Variants in ITPK1 observed in about 807,000 individuals in gnomAD.
ITPK1 encodes the protein inositol-tetrakisphosphate 1-kinase, also known as inositol 1,3,4-trisphosphate 5/6-kinase.
A neutral mutation model predicts 45.3 loss-of-function variants in ITPK1; 21 were observed. The ratio of observed to expected loss-of-function variants is 0.46; its 90% CI spans 0.33 to 0.67. ITPK1 has a LOEUF of 0.67. ITPK1 is among the 30% of genes least tolerant of loss of function. The probability of loss-of-function intolerance (pLI) is 0.02; values close to 1 mark genes in which losing one functional copy is unlikely to be tolerated. For synonymous variants in ITPK1, 258 were observed against 253.6 expected (o/e 1.02, Z -0.16); for missense variants, 474 against 573.5 (o/e 0.83, Z 1.77).
At position 92,993,980 on chromosome 14, in the gene ITPK1, G is replaced by A; in HGVS notation, c.264C>T (p.His88=). ...GCGGGTCCAGGACGATGGTCTCAGGGTGGGCATCGATGTACTCCTGAAAGG... is the reference window on the plus strand; with the variant it reads ...GCGGGTCCAGGACGATGGTCTCAGGATGGGCATCGATGTACTCCTGAAAGG... The part of the protein sequence containing the change: ...VHRFQEYIDA[H]PETIVLDPLP... Residue 88 remains histidine, a synonymous_variant, in exon 5 of 11, where the codon CAC becomes CAT. Coordinates refer to ENST00000267615, the MANE Select transcript of ITPK1 (RefSeq NM_014216.6). The A allele has an allele frequency of 6.2e-7, 1 of 1,613,406 alleles. No homozygotes were observed. The highest frequency in any genetic ancestry group is 1.1e-5 in the South Asian group (1 of 91,074).
chr14:92,975,577 C>T (rs373540044), intron 5 of ITPK1, among the ~76,000 whole-genome samples: 4 of 152,340 alleles, frequency 2.6e-5, no homozygotes, highest in African/African-American at 9.6e-5. Context: ...TCTCCGTGTA[C>T]CTGAATGAGA....
chr14:92,969,463 T>C (rs1194663712), intron 5 of ITPK1, among the ~76,000 whole-genome samples: 1 of 152,132 alleles, frequency 6.6e-6, no homozygotes, highest in East Asian at 1.9e-4. Flanking sequence ...TTAGGATGTA[T>C]GAACTGGACC....
At chr14:92,989,751 C>T (rs552985136) in intron 5 of ITPK1, among the ~76,000 whole-genome samples, 3 of 152,308 alleles carry the variant, frequency 2.0e-5, no homozygotes, top group African/African-American at 4.8e-5. Flanking sequence ...GAATTGAATC[C>T]AGGCTCAACG....
intron 2 of ITPK1, among the ~76,000 whole-genome samples, chr14:93,088,332 T>G (rs1265442914): frequency 1.6e-5 from 2 of 123,948 alleles, no homozygotes; most frequent in Non-Finnish European, 3.1e-5. Flanking sequence ...TCTTTTTTGG[T>G]TTTGTTTTGT....
chr14:92,960,039 G>C (rs943970472), intron 7 of ITPK1, among the ~76,000 whole-genome samples: 2 of 152,196 alleles, frequency 1.3e-5, no homozygotes, highest in Non-Finnish European at 2.9e-5. Flanking sequence ...AACCTCTGCC[G>C]ATCTGGTGGA....
At chr14:93,102,643 A>C (rs9671852) in intron 2 of ITPK1, among the ~76,000 whole-genome samples, 1 of 151,954 alleles carries the variant, frequency 6.6e-6, no homozygotes, top group African/African-American at 2.4e-5. Flanking sequence ...ATGACAGAGC[A>C]AGACTAACAA....
At chr14:93,010,012 G>T (rs1887813776) in intron 4 of ITPK1, among the ~76,000 whole-genome samples, 5 of 152,200 alleles carry the variant, frequency 3.3e-5, no homozygotes, top group Admixed American at 3.3e-4. Context: ...CAGGGACTGA[G>T]ATGGGGACCA....
At chr14:92,952,302 A>G (rs1178046787) in intron 8 of ITPK1, among the ~76,000 whole-genome samples, 1 of 152,072 alleles carries the variant, frequency 6.6e-6, no homozygotes, top group African/African-American at 2.4e-5. Context: ...CTGTTCCCAA[A>G]GTGTGCTGTC....
rs1891210624 is a variant in ITPK1 at position 93,076,149 on chromosome 14, C to CCTTCCTTCCCCCTCCATCCATT, written c.120+424_120+445dup. On this transcript the variant is annotated intron_variant, in intron 3 of 10. Transcript: ENST00000267615. The surrounding 1 kb of genome is among the most constrained non-coding windows in gnomAD (Gnocchi z 4.3). ...TCCACCTTTCCCCTCCCTCCAAGAT[C>CCTTCCTTCCCCCTCCATCCATT]CTTCCTTCCCCCTCCATCCATTCTT... Among the ~76,000 whole-genome samples, 1 of 151,670 alleles carries CCTTCCTTCCCCCTCCATCCATT rather than the reference C, an allele frequency of 6.6e-6. No individual in the cohort carries two copies. The highest frequency in any genetic ancestry group is 2.1e-4 in the South Asian group (1 of 4,776).
chr14:92,941,156 A>G lies in ITPK1; in HGVS notation c.*405T>C, dbSNP rs967757208. 1.2e-5 allele frequency: 14 copies of G among 1,209,962 alleles called. No individual in the cohort carries two copies. The highest frequency in any genetic ancestry group is 1.4e-5 in the Non-Finnish European group (13 of 959,798). The allele number at this position is 1,209,962 out of a possible 1,614,324, so 75.0% of individuals were successfully genotyped here. On this transcript the variant is annotated 3_prime_UTR_variant, in exon 11 of 11. Transcript: ENST00000267615. ...TCACATGCACCGATCAGCCTCCCACAGCCCGACATGGGCAGGCTTCCCCCA... is the reference window on the plus strand; with the variant it reads ...TCACATGCACCGATCAGCCTCCCACGGCCCGACATGGGCAGGCTTCCCCCA...
chr14:93,049,930 G>C (rs1292787998), intron 3 of ITPK1, among the ~76,000 whole-genome samples: 1 of 152,118 alleles, frequency 6.6e-6, no homozygotes, highest in Non-Finnish European at 1.5e-5. Flanking sequence ...GGGACAGAGG[G>C]AGTCAAGTTA....
intron 5 of ITPK1, among the ~76,000 whole-genome samples, chr14:92,974,894 G>A (rs948080570): frequency 2.6e-5 from 4 of 152,242 alleles, no homozygotes; most frequent in African/African-American, 9.6e-5. Flanking sequence ...CAGGAGGAGC[G>A]GGGGTGTGAG....
chr14:93,055,513 G>A (rs886312386), intron 3 of ITPK1, among the ~76,000 whole-genome samples: 3 of 151,840 alleles, frequency 2.0e-5, no homozygotes, highest in African/African-American at 7.3e-5. Context: ...AGTGCTCCAC[G>A]AAGGCAGAGG....
chr14:93,105,401 T>G (rs758602027), intron 2 of ITPK1, among the ~76,000 whole-genome samples: 3 of 152,022 alleles, frequency 2.0e-5, no homozygotes, highest in Non-Finnish European at 4.4e-5. Flanking sequence ...TAGTTTCCCA[T>G]AAAAATCATC....
intron 5 of ITPK1, among the ~76,000 whole-genome samples, chr14:92,969,188 A>G (rs988701234): frequency 7.9e-5 from 12 of 152,220 alleles, no homozygotes; most frequent in Admixed American, 7.2e-4. Flanking sequence ...CTAACAATAT[A>G]GTAATAAATA....
At chr14:92,957,483 CG>C (rs977294609) in intron 8 of ITPK1, among the ~76,000 whole-genome samples, 4 of 152,160 alleles carry the variant, frequency 2.6e-5, no homozygotes, top group African/African-American at 9.7e-5. Flanking sequence ...CTGGAGAGGG[CG>C]GTGAGCAGCT....
chr14:92,972,511 A>G (rs542560960), intron 5 of ITPK1, among the ~76,000 whole-genome samples: 2 of 152,356 alleles, frequency 1.3e-5, no homozygotes, highest in South Asian at 4.1e-4. Context: ...ACTGGGAGGC[A>G]GTGCATTGCT....
chr14:92,946,528 C>T (rs1047672626), intron 9 of ITPK1, 35 bp from the exon 10 acceptor site: 4 of 1,600,822 alleles, frequency 2.5e-6, no homozygotes, highest in African/African-American at 1.3e-5. Context: ...GGCCATGGGC[C>T]GAGGAGCTGC....
intron 3 of ITPK1, among the ~76,000 whole-genome samples, chr14:93,057,398 A>G (rs1015710151): frequency 6.6e-6 from 1 of 152,136 alleles, no homozygotes; most frequent in Non-Finnish European, 1.5e-5. Context: ...ATGCACACTC[A>G]CTCACACATT....
Sources: allele counts gnomAD v4.1 joint callset (sites outside exome capture counted in the v4.1 genomes callset), GRCh38; gene constraint gnomAD v4.1.1; non-coding constraint Gnocchi (gnomAD v3.1); transcripts MANE v1.5; gene names NCBI Gene and HGNC (gene_info 2026-07-23, HGNC 2026-07-21).